The following PIK3R4 variants were observed in gnomAD, a reference collection of about 807,000 sequenced individuals.
The protein encoded by PIK3R4 is phosphoinositide-3-kinase regulatory subunit 4.
Under a neutral mutation model 136.5 loss-of-function variants are expected in PIK3R4, and 46 were observed. That is an observed-to-expected ratio of 0.34 (90% confidence interval 0.27 to 0.43). PIK3R4 has a LOEUF of 0.43. Among genes scored for constraint, PIK3R4 ranks in the 20% least tolerant of loss-of-function variants. The probability of loss-of-function intolerance (pLI) is 1.00; values close to 1 mark genes in which losing one functional copy is unlikely to be tolerated. For missense variants in PIK3R4, 1,331 were observed against 1,649.5 expected, an observed-to-expected ratio of 0.81 and a Z score of 3.35; for synonymous variants, 557 against 566.7, an observed-to-expected ratio of 0.98 and a Z score of 0.24.
intron 2 of PIK3R4, among the ~76,000 whole-genome samples, chr3:130,743,179 G>C (rs1249898083): frequency 4.6e-5 from 7 of 152,098 alleles, no homozygotes; most frequent in South Asian, 2.1e-4. Flanking sequence ...GGAAACTTGA[G>C]GTGGGATGAC....
intron 6 of PIK3R4, among the ~76,000 whole-genome samples, chr3:130,726,223 A>G (rs1397007363): frequency 6.6e-6 from 1 of 152,152 alleles, no homozygotes; most frequent in Admixed American, 6.5e-5. Flanking sequence ...ATAAAGGAAT[A>G]GTTTAGACCT....
intron 6 of PIK3R4, among the ~76,000 whole-genome samples, chr3:130,726,656 T>A (rs370410665): frequency 2.0e-5 from 3 of 152,242 alleles, no homozygotes; most frequent in East Asian, 3.9e-4. Flanking sequence ...GGATTAATGG[T>A]CATTTATTTT....
chr3:130,690,445 T>A, intron 14 of PIK3R4, 45 bp downstream of exon 14: 1 of 1,403,870 alleles, frequency 7.1e-7, no homozygotes, highest in Non-Finnish European at 1.0e-6. Flanking sequence ...TAAGGTACTG[T>A]AGTGCACTAA....
At chr3:130,700,014 G>T (rs781150174) in intron 13 of PIK3R4, among the ~76,000 whole-genome samples, 1 of 152,216 alleles carries the variant, frequency 6.6e-6, no homozygotes, top group Non-Finnish European at 1.5e-5. Flanking sequence ...AGGTTTTCAT[G>T]CTAGTAGGGT....
intron 11 of PIK3R4, among the ~76,000 whole-genome samples, chr3:130,705,988 T>C (rs2066604155): frequency 6.6e-6 from 1 of 152,130 alleles, no homozygotes; most frequent in African/African-American, 2.4e-5. Flanking sequence ...TTTATATAAA[T>C]CCTACATTTT....
intron 4 of PIK3R4, among the ~76,000 whole-genome samples, chr3:130,731,447 G>C (rs905238222): frequency 1.3e-5 from 2 of 151,998 alleles, no homozygotes; most frequent in African/African-American, 2.4e-5. Context: ...GCTCTGAATA[G>C]AATAAAAATT....
At chr3:130,693,000 T>A (rs115626415) in intron 13 of PIK3R4, among the ~76,000 whole-genome samples, 91 of 152,326 alleles carry the variant, frequency 6.0e-4, no homozygotes, top group African/African-American at 2.2e-3. Context: ...CAATGCTCCC[T>A]TCCCCCAGCA....
At position 130,745,165 on chromosome 3, in the gene PIK3R4, ACT is replaced by A; in HGVS notation, c.52_53del (p.Ser18LeufsTer7). On this transcript the variant is annotated frameshift_variant, in exon 2 of 20. Transcript: ENST00000356763. LOFTEE classifies it high-confidence loss of function. ...CAAAGTCATGAATATCTGAAAAATA[ACT>A]CTCTACAGAAAGGATCTGGGAGGGA... ...IAPSQILSVE[S>X]YFSDIHDFEY... 2 of 1,611,512 alleles carry A rather than the reference ACT, an allele frequency of 1.2e-6. No homozygotes were observed. The highest frequency in any genetic ancestry group is 1.7e-6 in the Non-Finnish European group (2 of 1,179,780).
chr3:130,735,730 A>G (rs1463435521), intron 3 of PIK3R4, 139 bp downstream of exon 3: 1 of 630,208 alleles, frequency 1.6e-6, no homozygotes, highest in East Asian at 2.9e-5. Context: ...ACAAAGTAAT[A>G]ACAAAAGGCT....
chr3:130,690,570 A>G lies in PIK3R4; in HGVS notation c.3183T>C (p.Ser1061=), dbSNP rs2066511325. ...CQGSHYLAIA[S]DNGAVQLLGI... is the part of the protein sequence containing the mutation. ...CAAGAAGCTGGACAGCACCATTATC[A>G]GATGCTATGGCTAAATAGTGGGAGC... The change falls in exon 14 of 20, where the codon TCT becomes TCC. Residue 1061 remains serine (S), a synonymous_variant. Transcript: ENST00000356763. 6.2e-7 allele frequency: 1 copy of G among 1,612,012 alleles called. No homozygotes were observed. Among genetic ancestry groups the G allele is most frequent in the Admixed American group, 1.7e-5 (1 of 59,982 alleles).
chr3:130,691,728 T>TCA (rs2066519988), intron 13 of PIK3R4, among the ~76,000 whole-genome samples: 1 of 145,110 alleles, frequency 6.9e-6, no homozygotes, highest in Non-Finnish European at 1.5e-5. Context: ...GTAAAAACAT[T>TCA]TATAATACCA....
chr3:130,705,729 G>A lies in PIK3R4; in HGVS notation c.2764C>T (p.Pro922Ser). Residue 922 changes from proline (P) to serine (S), a missense_variant, in exon 12 of 20, where the codon CCG (proline) becomes TCG (serine). Around this residue, in one of 2 missense-constraint regions of PIK3R4, gnomAD observed 1,180 missense variants for 1,407.0 expected, o/e 0.84. Transcript: ENST00000356763. The stretch of plus-strand genomic sequence containing the variant: ...GGTAAGATTGTACTACTTAAAACCG[G>A]TATTACTGGTTTTTTATTTTGGACA... ...TTVQNKKPVI[P>S]VLSSTILPST... 6.2e-7 allele frequency: 1 copy of A among 1,611,704 alleles called. No individual in the cohort carries two copies. Among genetic ancestry groups the A allele is most frequent in the Non-Finnish European group, 8.5e-7 (1 of 1,177,894 alleles).
chr3:130,721,061 C>G (rs897398757), intron 7 of PIK3R4, among the ~76,000 whole-genome samples: 2 of 151,278 alleles, frequency 1.3e-5, no homozygotes, highest in Admixed American at 1.3e-4. Flanking sequence ...TTAGGCCGGG[C>G]GCGGTGGCTC....
rs1463369470 is a variant in PIK3R4, at chr3:130,733,628, T to C, written c.1370A>G (p.Asn457Ser). Reference protein sequence around the residue: ...LVKEVPRNDINIYPEYILPGI... With the variant: ...LVKEVPRNDISIYPEYILPGI... The stretch of plus-strand genomic sequence containing the variant: ...TGGCAGAATGTATTCCGGATAAATA[T>C]TGATATCATTACGAGGAACCTCTTT... Residue 457 changes from asparagine (N) to serine (S), a missense_variant, in exon 4 of 20, where the codon AAT (asparagine) becomes AGT (serine). Transcript: ENST00000356763. The C allele has an allele frequency of 6.2e-7, 1 of 1,614,128 alleles. No individual in the cohort carries two copies. The highest frequency in any genetic ancestry group is 8.5e-7 in the Non-Finnish European group (1 of 1,179,948).
chr3:130,736,892 G>A (rs2066788580), intron 2 of PIK3R4, among the ~76,000 whole-genome samples: 1 of 152,158 alleles, frequency 6.6e-6, no homozygotes, highest in Non-Finnish European at 1.5e-5. Flanking sequence ...AAAAAGTGTA[G>A]CTGTAAGATT....
intron 13 of PIK3R4, among the ~76,000 whole-genome samples, chr3:130,697,219 GCCA>G (rs1316746632): frequency 3.3e-5 from 5 of 151,782 alleles, no homozygotes; most frequent in African/African-American, 1.2e-4. Flanking sequence ...ACAGGCGTGT[GCCA>G]CCACGCCTGG....
intron 9 of PIK3R4, among the ~76,000 whole-genome samples, chr3:130,715,010 G>A (rs570760451): frequency 6.6e-6 from 1 of 152,064 alleles, no homozygotes; most frequent in East Asian, 1.9e-4. Flanking sequence ...CTAGACCCTT[G>A]AGGAATCACC....
At chr3:130,700,266 C>G (rs2066567989) in intron 13 of PIK3R4, among the ~76,000 whole-genome samples, 1 of 152,112 alleles carries the variant, frequency 6.6e-6, no homozygotes, top group Non-Finnish European at 1.5e-5. Context: ...AACATGTAAC[C>G]CTAACATTGA....
At chr3:130,728,012 C>T (rs1296591302) in intron 6 of PIK3R4, among the ~76,000 whole-genome samples, 2 of 151,978 alleles carry the variant, frequency 1.3e-5, no homozygotes, top group African/African-American at 4.8e-5. Flanking sequence ...TTCTTTCCAA[C>T]TACATTGATT....
Sources: gnomAD v4.1 joint callset for allele counts (sites outside exome capture counted in the v4.1 genomes callset) on GRCh38, gnomAD v4.1.1 for gene constraint, gnomAD v4.1.1 regional missense constraint, MANE v1.5 for transcripts, NCBI Gene and HGNC (gene_info 2026-07-23, HGNC 2026-07-21) for gene names.